The following RNF34 variants were observed in gnomAD, a reference collection of about 807,000 sequenced individuals.
RNF34 encodes the protein E3 ubiquitin-protein ligase RNF34.
A neutral mutation model predicts 37.9 loss-of-function variants in RNF34; 12 were observed. The ratio of observed to expected loss-of-function variants is 0.32; its 90% CI spans 0.20 to 0.51. The LOEUF (loss-of-function observed/expected upper bound fraction) is 0.51. RNF34 is among the 20% of genes least tolerant of loss of function. The pLI is 0.97. For synonymous variants in RNF34, 155 were observed against 177.2 expected (o/e 0.87, Z 1.00); for missense variants, 362 against 472.7 (o/e 0.77, Z 2.17).
chr12:121,420,915 T>C lies in RNF34; in HGVS notation c.928+137T>C, dbSNP rs1872069862. ...TTTTACTGAGTATCAGTTAGTTACA[T>C]GAGCCTGTTTATAGATCTGGAAAGG... On this transcript the variant is annotated intron_variant, in intron 5 of 5. Transcript: ENST00000361234. 4.6e-6 allele frequency: 3 copies of C among 657,466 alleles called. No individual in the cohort carries two copies. In the Admixed American group the frequency reaches 8.2e-5, roughly 18 times the overall value. 40.7% of individuals were successfully genotyped at this position (657,466 alleles called of 1,614,324 possible).
intron 5 of RNF34, among the ~76,000 whole-genome samples, chr12:121,422,132 AC>A (rs1416360908): frequency 6.6e-6 from 1 of 152,146 alleles, no homozygotes; most frequent in East Asian, 1.9e-4. Context: ...TGCCATTCCC[AC>A]CCTTAAGTAC....
At chr12:121,407,839 T>G (rs929668681) in intron 1 of RNF34, among the ~76,000 whole-genome samples, 1 of 152,124 alleles carries the variant, frequency 6.6e-6, no homozygotes. Context: ...GTAACTGGGT[T>G]CCAAGGAAAT....
intron 1 of RNF34, among the ~76,000 whole-genome samples, chr12:121,412,457 A>G (rs1871172630): frequency 1.3e-5 from 2 of 151,078 alleles, no homozygotes; most frequent in South Asian, 4.2e-4. Context: ...GTCAGCCAGG[A>G]TGGTCTTGAT....
chr12:121,410,518 C>T (rs1870955093), intron 1 of RNF34, among the ~76,000 whole-genome samples: 1 of 143,648 alleles, frequency 7.0e-6, no homozygotes, highest in African/African-American at 2.6e-5. Context: ...TCCTGGGCAA[C>T]AGAGCAAGAT....
At chr12:121,406,857 T>C (rs1232118381) in intron 1 of RNF34, among the ~76,000 whole-genome samples, 1 of 152,208 alleles carries the variant, frequency 6.6e-6, no homozygotes, top group African/African-American at 2.4e-5. Flanking sequence ...TGTTTTAAAC[T>C]ACATTCATGG....
chr12:121,413,606 C>G (rs1871305006), intron 1 of RNF34, among the ~76,000 whole-genome samples: 1 of 116,722 alleles, frequency 8.6e-6, no homozygotes. Flanking sequence ...GAGATGGAGT[C>G]TCGCTTTGTT....
intron 1 of RNF34, among the ~76,000 whole-genome samples, chr12:121,410,547 A>G (rs1470413401): frequency 3.2e-5 from 1 of 31,360 alleles, no homozygotes; most frequent in Non-Finnish European, 5.9e-5. Context: ...AAAACCACCA[A>G]AAAAAAAAAA....
chr12:121,406,907 T>G (rs1427529025), intron 1 of RNF34, among the ~76,000 whole-genome samples: 1 of 152,218 alleles, frequency 6.6e-6, no homozygotes, highest in Admixed American at 6.5e-5. Context: ...ATTATCGTTC[T>G]TTTTTAAAAA....
At chr12:121,412,230 CTTTTTTTTTTTT>C (rs560473770) in intron 1 of RNF34, among the ~76,000 whole-genome samples, 6 of 49,610 alleles carry the variant, frequency 1.2e-4, no homozygotes, top group Admixed American at 5.4e-4. Context: ...CCCAACTAAT[CTTTTTTTTTTTT>C]TTTTTTTTTT....
At chr12:121,410,429 T>C (rs1447468802) in intron 1 of RNF34, among the ~76,000 whole-genome samples, 1 of 151,412 alleles carries the variant, frequency 6.6e-6, no homozygotes, top group Non-Finnish European at 1.5e-5. Context: ...CCCGGCTACT[T>C]GGGAGGCTGA....
At chr12:121,407,042 T>C (rs373942453) in intron 1 of RNF34, among the ~76,000 whole-genome samples, 2 of 152,132 alleles carry the variant, frequency 1.3e-5, no homozygotes, top group East Asian at 1.9e-4. Flanking sequence ...ACCCAACAGT[T>C]AGTTTTTCAC....
rs1872365788 is a variant in RNF34 at position 121,423,759 on chromosome 12, T to C, written c.*183T>C. 5.0e-6 allele frequency: 3 copies of C among 594,296 alleles called. No homozygotes were observed. Among genetic ancestry groups the C allele is most frequent in the Non-Finnish European group, 8.7e-6 (3 of 345,468 alleles). The allele number at this position is 594,296 out of a possible 1,614,324, so 36.8% of individuals were successfully genotyped here. ...AACATTGGTCCATGCCGTGAGCCTG[T>C]CTGCCTGTGGACACGTGAGCTTCCC... On this transcript the variant is annotated 3_prime_UTR_variant, in exon 6 of 6. Coordinates refer to ENST00000361234, the MANE Select transcript of RNF34 (RefSeq NM_025126.4). The surrounding 1 kb of genome is among the most constrained non-coding windows in gnomAD (Gnocchi z 4.3).
At chr12:121,403,080 A>G (rs991067325) in intron 1 of RNF34, among the ~76,000 whole-genome samples, 7 of 152,168 alleles carry the variant, frequency 4.6e-5, no homozygotes, top group Non-Finnish European at 7.3e-5. Flanking sequence ...TCTAAGGAGC[A>G]TATGTTTCTC....
Position 121,413,143 on chromosome 12 carries a change from G to C in RNF34, c.7-3016G>C, listed in dbSNP as rs554430671. Among the ~76,000 whole-genome samples, 318 of 149,752 alleles carry C rather than the reference G, an allele frequency of 2.1e-3. 3 individuals carry two copies. The highest frequency in any genetic ancestry group is 7.5e-3 in the African/African-American group (304 of 40,794). On this transcript the variant is annotated intron_variant, in intron 1 of 5. Coordinates refer to ENST00000361234, the MANE Select transcript of RNF34 (RefSeq NM_025126.4). ...CCGGTTCAAGCGATTCTCCTGCCTC[G>C]GCCTTCCAAGTAGCTGGGATTACAG...
intron 1 of RNF34, among the ~76,000 whole-genome samples, chr12:121,412,406 A>G (rs1459109778): frequency 1.3e-5 from 2 of 151,206 alleles, no homozygotes; most frequent in African/African-American, 4.9e-5. Context: ...CGCCAGGCTA[A>G]TTTTGTTTTT....
intron 1 of RNF34, among the ~76,000 whole-genome samples, chr12:121,411,691 TAC>T (rs1225888624): frequency 2.6e-5 from 4 of 152,216 alleles, no homozygotes; most frequent in African/African-American, 4.8e-5. Context: ...AGGAATTTTT[TAC>T]ACAGTTACTT....
intron 1 of RNF34, among the ~76,000 whole-genome samples, chr12:121,402,364 C>T (rs1366598462): frequency 2.0e-5 from 3 of 152,158 alleles, no homozygotes; most frequent in Middle Eastern, 3.4e-3. Context: ...TGGATAAGTA[C>T]ATGTTCACTC....
At chr12:121,410,141 C>T (rs1418641966) in intron 1 of RNF34, among the ~76,000 whole-genome samples, 3 of 147,728 alleles carry the variant, frequency 2.0e-5, no homozygotes, top group East Asian at 2.0e-4. Context: ...GCAACAAGAG[C>T]GAAACTCCGT....
rs1275326370 is a variant in RNF34, at chr12:121,412,576, G to C, written c.7-3583G>C. Among the ~76,000 whole-genome samples the C allele has an allele frequency of 6.6e-5, 10 of 151,730 alleles. No individual in the cohort carries two copies. In the East Asian group the frequency reaches 1.9e-3, roughly 29 times the overall value. ...GTGTTTTTAGTAGAGATGGGGTTTT[G>C]CCATGTTGGTCAGTCCAGTCTCGAA... On this transcript the variant is annotated intron_variant, in intron 1 of 5. Transcript: ENST00000361234.
Sources: gnomAD v4.1 joint callset for allele counts (sites outside exome capture counted in the v4.1 genomes callset) on GRCh38, gnomAD v4.1.1 for gene constraint, Gnocchi (gnomAD v3.1) non-coding constraint, MANE v1.5 for transcripts, NCBI Gene and HGNC (gene_info 2026-07-23, HGNC 2026-07-21) for gene names.